Variants in PAM observed in about 807,000 individuals in gnomAD.
PAM encodes the protein peptidylglycine alpha-amidating monooxygenase.
Under a neutral mutation model 122.1 loss-of-function variants are expected in PAM, and 72 were observed. The observed-to-expected ratio is 0.59, with a 90% CI of 0.49 to 0.72. The LOEUF is 0.72. PAM is among the 30% of genes least tolerant of loss of function. The pLI, the probability that PAM is intolerant of heterozygous loss-of-function variation, is 0.00. For synonymous variants in PAM, 389 were observed against 404.4 expected (o/e 0.96, Z 0.46); for missense variants, 1,106 against 1,183.7 (o/e 0.93, Z 0.96).
intron 1 of PAM, among the ~76,000 whole-genome samples, chr5:102,781,300 A>G (rs1332197732): frequency 6.6e-6 from 1 of 152,192 alleles, no homozygotes; most frequent in Non-Finnish European, 1.5e-5. Flanking sequence ...TAAATTTTGT[A>G]GTATGAGAGC....
At chr5:103,008,221 AAAC>A (rs1327268477) in intron 20 of PAM, among the ~76,000 whole-genome samples, 4 of 152,038 alleles carry the variant, frequency 2.6e-5, no homozygotes, top group Non-Finnish European at 5.9e-5. Context: ...TTATATTACA[AAAC>A]AACTTACCAT....
At chr5:102,883,588 T>C (rs1792014356) in intron 3 of PAM, among the ~76,000 whole-genome samples, 1 of 151,972 alleles carries the variant, frequency 6.6e-6, no homozygotes, top group African/African-American at 2.4e-5. Flanking sequence ...GCTGAATTCA[T>C]TTACCAGGTC....
chr5:102,941,833 CAA>C (rs70990420), intron 7 of PAM, among the ~76,000 whole-genome samples: 1,388 of 58,214 alleles, frequency 0.024, 10 homozygotes, highest in African/African-American at 0.081. Flanking sequence ...CCAGATGGTA[CAA>C]AAAAAAAAAA....
intron 7 of PAM, among the ~76,000 whole-genome samples, chr5:102,939,463 C>T (rs1754367251): frequency 6.6e-6 from 1 of 152,094 alleles, no homozygotes; most frequent in Admixed American, 6.6e-5. Flanking sequence ...TGGTCAGTAG[C>T]CACAGACCCT....
At position 102,790,966 on chromosome 5, in the gene PAM, C is replaced by T. The variant is rs145092983; in HGVS notation, c.-374+35618C>T. Among the ~76,000 whole-genome samples the T allele has an allele frequency of 2.6e-3, 395 of 152,052 alleles. 2 individuals are homozygous for T. The highest frequency in any genetic ancestry group is 9.3e-3 in the Admixed American group (142 of 15,278). On this transcript the variant is annotated intron_variant, in intron 1 of 25. Coordinates refer to ENST00000438793, the MANE Select transcript of PAM (RefSeq NM_001177306.2). ...CTGTTCATGCATATATGCACATATA[C>T]AAACAGAGATTCAAAACCATAAGAC...
chr5:102,912,860 T>C (rs2895856), intron 4 of PAM, among the ~76,000 whole-genome samples: 145,892 of 152,088 alleles, frequency 0.96, 70,017 homozygotes, highest in East Asian at 0.98. Flanking sequence ...GGTTTGTCTC[T>C]TCTGAAAGTT....
At chr5:102,813,455 G>A (rs1208613475) in intron 1 of PAM, among the ~76,000 whole-genome samples, 2 of 152,148 alleles carry the variant, frequency 1.3e-5, no homozygotes, top group Non-Finnish European at 2.9e-5. Flanking sequence ...ATCCTACGTC[G>A]TAACTACTCC....
chr5:102,767,353 G>A lies in PAM; in HGVS notation c.-374+12005G>A, dbSNP rs1399472941. Among the ~76,000 whole-genome samples the A allele has an allele frequency of 2.6e-5, 4 of 152,084 alleles. No individual in the cohort carries two copies. In the East Asian group the frequency reaches 7.7e-4, roughly 29 times the overall value. On this transcript the variant is annotated intron_variant, in intron 1 of 25. Transcript: ENST00000438793. Reference sequence around the variant, plus strand: ...TTTTATCCAGATTTGGCATTAAGATGTCCCATTTTATCAGATGAGCATGCT... The same window carrying A: ...TTTTATCCAGATTTGGCATTAAGATATCCCATTTTATCAGATGAGCATGCT...
intron 15 of PAM, among the ~76,000 whole-genome samples, chr5:102,988,826 G>A (rs780428273): frequency 2.6e-5 from 4 of 152,174 alleles, no homozygotes; most frequent in Non-Finnish European, 5.9e-5. Context: ...TTAAAAAAAT[G>A]TACAAAGTTT....
chr5:102,954,243 C>T (rs1759969119), intron 12 of PAM, among the ~76,000 whole-genome samples: 1 of 151,700 alleles, frequency 6.6e-6, no homozygotes, highest in African/African-American at 2.4e-5. Context: ...TTTAGTGCAC[C>T]TGTCACCCAA....
At chr5:102,825,738 T>G (rs1470776955) in intron 1 of PAM, among the ~76,000 whole-genome samples, 1 of 152,158 alleles carries the variant, frequency 6.6e-6, no homozygotes. Context: ...GTCTAGCTAC[T>G]TGGGAGGCTG....
In PAM at chr5:103,029,173, G is replaced by C. The variant is rs936364039; in HGVS notation, c.*108G>C. On this transcript the variant is annotated 3_prime_UTR_variant, in exon 26 of 26. Coordinates refer to ENST00000438793, the MANE Select transcript of PAM (RefSeq NM_001177306.2). ...ATTTAATTGTAAACTGTACTAGTCT[G>C]TGTGGGACTGTACACACTTTATTTA... 3 of 827,488 alleles carry C rather than the reference G, an allele frequency of 3.6e-6. No homozygotes were observed. The highest frequency in any genetic ancestry group is 2.0e-5 in the South Asian group (1 of 49,412). 51.3% of individuals were successfully genotyped at this position (827,488 alleles called of 1,614,324 possible).
At chr5:102,766,169 A>T (rs1753885005) in intron 1 of PAM, among the ~76,000 whole-genome samples, 1 of 152,110 alleles carries the variant, frequency 6.6e-6, no homozygotes, top group South Asian at 2.1e-4. Flanking sequence ...TTTTCCATGG[A>T]CTGGGGTGGA....
intron 25 of PAM, 45 bp downstream of exon 25, chr5:103,028,283 C>G: frequency 7.7e-7 from 1 of 1,290,590 alleles, no homozygotes; most frequent in South Asian, 1.2e-5. Context: ...GGTTCAAAGT[C>G]AACAAGCACA....
chr5:103,024,397 T>C (rs1784396847), intron 23 of PAM, among the ~76,000 whole-genome samples: 1 of 152,140 alleles, frequency 6.6e-6, no homozygotes, highest in Non-Finnish European at 1.5e-5. Flanking sequence ...TTAGTTATTA[T>C]AATAGTTGTT....
chr5:102,867,877 C>T (rs867698824), intron 3 of PAM, among the ~76,000 whole-genome samples: 75 of 152,296 alleles, frequency 4.9e-4, no homozygotes, highest in African/African-American at 1.8e-3. Flanking sequence ...GAAAACTGTT[C>T]ATACAGGTGG....
At chr5:103,019,081 C>T (rs1483606564) in intron 22 of PAM, among the ~76,000 whole-genome samples, 1 of 152,150 alleles carries the variant, frequency 6.6e-6, no homozygotes, top group Non-Finnish European at 1.5e-5. Context: ...ATTTGGGGAC[C>T]CCTGCTTTAT....
intron 7 of PAM, among the ~76,000 whole-genome samples, chr5:102,927,435 T>G (rs1749967550): frequency 6.6e-6 from 1 of 152,188 alleles, no homozygotes; most frequent in Non-Finnish European, 1.5e-5. Context: ...TTCTACTATG[T>G]CTTGCTGACT....
chr5:103,024,995 TA>T (rs1374166594), intron 23 of PAM, 135 bp from the exon 24 acceptor site: 3 of 617,154 alleles, frequency 4.9e-6, no homozygotes, highest in Non-Finnish European at 8.5e-6. Context: ...ATTCAGGTAT[TA>T]AAACATGAAA....
Sources: gnomAD v4.1 joint callset for allele counts (sites outside exome capture counted in the v4.1 genomes callset) on GRCh38, gnomAD v4.1.1 for gene constraint, MANE v1.5 for transcripts, NCBI Gene and HGNC (gene_info 2026-07-23, HGNC 2026-07-21) for gene names.